Variants in CERK observed in about 807,000 individuals in gnomAD.
CERK encodes acylsphingosine kinase.
CERK carries 39 observed loss-of-function variants against 63.4 expected under a neutral mutation model. The observed-to-expected ratio is 0.61, with a 90% CI of 0.48 to 0.80. CERK has a LOEUF of 0.80. Ranked by LOEUF, CERK falls within the 30% of genes least tolerant of loss-of-function variation. The pLI is 0.00. For missense variants in CERK, 670 were observed against 714.1 expected, an observed-to-expected ratio of 0.94 and a Z score of 0.70; for synonymous variants, 302 against 280.0, an observed-to-expected ratio of 1.08 and a Z score of -0.78.
chr22:46,724,697 G>A (rs773135426), intron 1 of CERK, among the ~76,000 whole-genome samples: 1 of 152,182 alleles, frequency 6.6e-6, no homozygotes, highest in East Asian at 1.9e-4. Flanking sequence ...AAAAATGTCC[G>A]ATAAATGATG....
At chr22:46,730,955 C>T (rs1348095079) in intron 1 of CERK, among the ~76,000 whole-genome samples, 3 of 152,246 alleles carry the variant, frequency 2.0e-5, no homozygotes, top group African/African-American at 7.2e-5. Context: ...GAGACAATAA[C>T]AACCTACCCC....
intron 8 of CERK, among the ~76,000 whole-genome samples, chr22:46,695,898 G>A (rs2082753797): frequency 6.6e-6 from 1 of 152,256 alleles, no homozygotes; most frequent in South Asian, 2.1e-4. Context: ...CAGCAGGACA[G>A]CAGGGACTGG....
rs889605805 is a variant in CERK at position 46,686,534 on chromosome 22, A to C, written c.*600T>G. The C allele has an allele frequency of 5.8e-4, 89 of 153,532 alleles. No individual in the cohort carries two copies. The highest frequency in any genetic ancestry group is 3.7e-3 in the Admixed American group (58 of 15,586). The allele number at this position is 153,532 out of a possible 1,614,324, so 9.5% of individuals were successfully genotyped here. A position where few individuals can be genotyped will look rare whatever the true frequency, so the allele number is the denominator to read the frequency against. On this transcript the variant is annotated 3_prime_UTR_variant, in exon 13 of 13. Coordinates refer to ENST00000216264, the MANE Select transcript of CERK (RefSeq NM_022766.6). Reference sequence around the variant, plus strand: ...GTGATGAGGCAGGTGTGGAGGCCCCAGCAGCCTTCCCGGCGCTGGCGTGGA... The same window carrying C: ...GTGATGAGGCAGGTGTGGAGGCCCCCGCAGCCTTCCCGGCGCTGGCGTGGA...
rs1026783338 is a variant in CERK at position 46,707,753 on chromosome 22, G to C, written c.715+90C>G. On this transcript the variant is annotated intron_variant, in intron 6 of 12. Coordinates refer to ENST00000216264, the MANE Select transcript of CERK (RefSeq NM_022766.6). Reference sequence around the variant, plus strand: ...GTACGAACTAAACTGAGTATAATTGGGTTATTAAGTGTCCGAGGTGGCTAC... The same window carrying C: ...GTACGAACTAAACTGAGTATAATTGCGTTATTAAGTGTCCGAGGTGGCTAC... The C allele has an allele frequency of 1.3e-5, 18 of 1,409,230 alleles. No homozygotes were observed. In the African/African-American group the frequency reaches 2.4e-4, roughly 19 times the overall value. 87.3% of individuals were successfully genotyped at this position (1,409,230 alleles called of 1,614,324 possible). A position where few individuals can be genotyped will look rare whatever the true frequency, so the allele number is the denominator to read the frequency against.
intron 6 of CERK, among the ~76,000 whole-genome samples, chr22:46,705,000 T>C (rs1052935710): frequency 3.9e-5 from 6 of 152,098 alleles, no homozygotes; most frequent in African/African-American, 1.4e-4. Context: ...TAAATAAAGA[T>C]AGTGAATAAG....
rs1371296990 is a variant in CERK, at chr22:46,685,460, C to T, written c.*1674G>A. On this transcript the variant is annotated 3_prime_UTR_variant, in exon 13 of 13. Transcript: ENST00000216264. ...ACAATTCCAGAGGGCCCACAGCAGCCACAGCCTCCTGGCGTGACACCAGGC... is the reference window on the plus strand; with the variant it reads ...ACAATTCCAGAGGGCCCACAGCAGCTACAGCCTCCTGGCGTGACACCAGGC... The T allele has an allele frequency of 3.9e-5, 6 of 152,300 alleles. No homozygotes were observed. Among genetic ancestry groups the T allele is most frequent in the African/African-American group, 1.4e-4 (6 of 41,466 alleles). The allele number at this position is 152,300 out of a possible 1,614,324, so 9.4% of individuals were successfully genotyped here. A position where few individuals can be genotyped will look rare whatever the true frequency, so the allele number is the denominator to read the frequency against.
chr22:46,732,720 T>TTTCG (rs915757833), intron 1 of CERK, among the ~76,000 whole-genome samples: 4 of 152,114 alleles, frequency 2.6e-5, no homozygotes, highest in African/African-American at 9.7e-5. Context: ...AGAGCTGTGC[T>TTTCG]TTCGCCCTTC....
chr22:46,728,264 C>T (rs187269700), intron 1 of CERK, among the ~76,000 whole-genome samples: 19 of 152,206 alleles, frequency 1.2e-4, no homozygotes, highest in South Asian at 8.3e-4. Context: ...AGGGACCGTA[C>T]GGTGCCTCAG....
At chr22:46,692,426 T>TAAAAAAA (rs553286743) in intron 10 of CERK, among the ~76,000 whole-genome samples, 33 of 93,104 alleles carry the variant, frequency 3.5e-4, no homozygotes, top group African/African-American at 1.3e-3. Context: ...AACTCTGTCT[T>TAAAAAAA]AAAAAAAAAA....
intron 6 of CERK, among the ~76,000 whole-genome samples, chr22:46,702,538 G>T (rs1020382901): frequency 6.6e-6 from 1 of 152,124 alleles, no homozygotes; most frequent in Admixed American, 6.5e-5. Context: ...TGATCCGCCC[G>T]CCTTGGCCTC....
At chr22:46,716,240 G>C (rs2082865624) in intron 3 of CERK, among the ~76,000 whole-genome samples, 1 of 150,806 alleles carries the variant, frequency 6.6e-6, no homozygotes, top group Admixed American at 6.6e-5. Flanking sequence ...GCCCAGGCTG[G>C]AGTGAAGTTG....
At chr22:46,694,756 C>A (rs944564498) in intron 9 of CERK, among the ~76,000 whole-genome samples, 1 of 152,178 alleles carries the variant, frequency 6.6e-6, no homozygotes, top group African/African-American at 2.4e-5. Flanking sequence ...GGGGTGTGGA[C>A]AGGAGGGTGG....
At chr22:46,731,258 G>A (rs1254701404) in intron 1 of CERK, among the ~76,000 whole-genome samples, 1 of 152,238 alleles carries the variant, frequency 6.6e-6, no homozygotes, top group Non-Finnish European at 1.5e-5. Context: ...GGGAGACAGG[G>A]CTTTCACTGC....
At chr22:46,709,120 G>C (rs998294445) in intron 5 of CERK, among the ~76,000 whole-genome samples, 3 of 152,216 alleles carry the variant, frequency 2.0e-5, no homozygotes, top group East Asian at 3.8e-4. Flanking sequence ...GTGGTTTCGA[G>C]GACAGGGCAT....
chr22:46,730,845 C>T (rs1601731665), intron 1 of CERK, among the ~76,000 whole-genome samples: 1 of 152,210 alleles, frequency 6.6e-6, no homozygotes, highest in Non-Finnish European at 1.5e-5. Flanking sequence ...ACTGGAGCAG[C>T]CTGAAACCTG....
Position 46,720,944 on chromosome 22 carries a change from T to C in CERK, c.214A>G (p.Ser72Gly). 1 of 1,613,628 alleles carries C rather than the reference T, an allele frequency of 6.2e-7. No individual in the cohort carries two copies. Among genetic ancestry groups the C allele is most frequent in the Non-Finnish European group, 8.5e-7 (1 of 1,179,610 alleles). ...TTTTCCATTTTCTGCCATTTTCCAC[T>C]GCCTTGATGTTTCCCGTGAACGTCT... Reference protein sequence around the residue: ...ETDVHGKHQGSGKWQKMEKPY... With the variant: ...ETDVHGKHQGGGKWQKMEKPY... Residue 72 changes from serine (S) to glycine (G), a missense_variant, in exon 2 of 13, where the codon AGT becomes GGT. Physicochemically the swap from Ser to Gly is moderately conservative, Grantham distance 56. Transcript: ENST00000216264.
intron 1 of CERK, among the ~76,000 whole-genome samples, chr22:46,723,508 A>G (rs1474616039): frequency 1.3e-5 from 2 of 151,854 alleles, no homozygotes; most frequent in African/African-American, 4.8e-5. Flanking sequence ...AATCCCAGCT[A>G]CTCAGGAGAT....
chr22:46,723,357 G>A lies in CERK; in HGVS notation c.143-2342C>T, dbSNP rs149974861. On this transcript the variant is annotated intron_variant, in intron 1 of 12. Coordinates refer to ENST00000216264, the MANE Select transcript of CERK (RefSeq NM_022766.6). ...ACACAGGGCGGACACAGTGGCTCAC[G>A]CCTGTAATCCCAGCACTTTGGGAGG... Among the ~76,000 whole-genome samples the A allele has an allele frequency of 7.3e-4, 111 of 152,286 alleles. 1 individual carries two copies. The East Asian group carries it at 0.019, about 27-fold the overall frequency.
intron 1 of CERK, 105 bp from the exon 2 acceptor site, chr22:46,721,120 T>C (rs777663523): frequency 1.3e-6 from 1 of 769,900 alleles, no homozygotes. Flanking sequence ...AATATTCTCA[T>C]TAGAAATTCA....
Sources: gnomAD v4.1 joint callset for allele counts (sites outside exome capture counted in the v4.1 genomes callset) on GRCh38, gnomAD v4.1.1 for gene constraint, MANE v1.5 for transcripts, NCBI Gene and HGNC (gene_info 2026-07-23, HGNC 2026-07-21) for gene names.